The following CEP41 variants were observed in gnomAD, a reference collection of about 807,000 sequenced individuals.
CEP41 encodes centrosomal protein 41, also known as centrosomal protein of 41 kDa.
A neutral mutation model predicts 44.3 loss-of-function variants in CEP41; 32 were observed. The observed-to-expected ratio is 0.72, with a 90% CI of 0.54 to 0.97. The LOEUF (loss-of-function observed/expected upper bound fraction) is 0.97. Ranked by LOEUF, CEP41 falls within the 50% of genes least tolerant of loss-of-function variation. CEP41 has a pLI of 0.00. For synonymous variants in CEP41, 151 were observed against 168.5 expected (o/e 0.90, Z 0.80); for missense variants, 432 against 455.2 (o/e 0.95, Z 0.46).
chr7:130,425,981 G>T (rs1402247556), intron 2 of CEP41, among the ~76,000 whole-genome samples: 1 of 152,210 alleles, frequency 6.6e-6, no homozygotes, highest in African/African-American at 2.4e-5. Flanking sequence ...GTGATCGCAG[G>T]GGCTAAGGGG....
Position 130,400,749 on chromosome 7 carries a change from T to A in CEP41, c.715A>T (p.Met239Leu). The A allele has an allele frequency of 6.2e-7, 1 of 1,613,706 alleles. No homozygotes were observed. Among genetic ancestry groups the A allele is most frequent in the Non-Finnish European group, 8.5e-7 (1 of 1,179,788 alleles). ...AGGTTTTCAAATCCACGCTCGCACA[T>A]GGTGGTGGCCGCCTGACTGGCCAGC... ...ERLASQAATT[M>L]CERGFENLFM... The change falls in exon 9 of 11, where the codon ATG (methionine) becomes TTG (leucine). Residue 239 changes from methionine (M) to leucine (L), a missense_variant. Physicochemically the swap from Met to Leu is conservative, Grantham distance 15. Coordinates refer to ENST00000223208, the MANE Select transcript of CEP41 (RefSeq NM_018718.3).
In CEP41 at chr7:130,399,147, C is replaced by G. The variant is rs190456215; in HGVS notation, c.974-108G>C. 56 of 1,378,458 alleles carry G rather than the reference C, an allele frequency of 4.1e-5. No individual in the cohort carries two copies. In the Admixed American group the frequency reaches 7.9e-4, roughly 19 times the overall value. 85.4% of individuals were successfully genotyped at this position (1,378,458 alleles called of 1,614,324 possible). ...GTCCTAGCCTACAACCACTTTTAAG[C>G]TAATGAAGTCCTATGCAGTATCTAC... On this transcript the variant is annotated intron_variant, in intron 10 of 10. Coordinates refer to ENST00000223208, the MANE Select transcript of CEP41 (RefSeq NM_018718.3).
intron 5 of CEP41, among the ~76,000 whole-genome samples, chr7:130,407,112 G>A (rs1173315522): frequency 1.3e-5 from 2 of 151,932 alleles, no homozygotes; most frequent in African/African-American, 2.4e-5. Context: ...CCTCAATGAA[G>A]AGAGTGACAC....
intron 1 of CEP41, 57 bp downstream of exon 1, chr7:130,440,877 G>C: frequency 6.4e-7 from 1 of 1,572,660 alleles, no homozygotes; most frequent in Admixed American, 1.7e-5. Context: ...CTGCCCACAT[G>C]AGCCTTTTCC....
At chr7:130,434,739 T>C (rs1797914035) in intron 1 of CEP41, among the ~76,000 whole-genome samples, 1 of 152,194 alleles carries the variant, frequency 6.6e-6, no homozygotes, top group African/African-American at 2.4e-5. Context: ...GCTCACAAAA[T>C]AATGTCTGTT....
At position 130,404,615 on chromosome 7, in the gene CEP41, T is replaced by G; in HGVS notation, c.371A>C (p.Gln124Pro). 6.2e-7 allele frequency: 1 copy of G among 1,613,778 alleles called. No individual in the cohort carries two copies. Among genetic ancestry groups the G allele is most frequent in the Non-Finnish European group, 8.5e-7 (1 of 1,179,652 alleles). ...CCCTGCTCCTGCGTTGTTTATGAAC[T>G]GCTCAGGGCTCGGCGACTGCTCACC... ...NPGEQSPSPE[Q>P]FINNAGAGDS... The change falls in exon 6 of 11, where the codon CAG becomes CCG. Residue 124 changes from glutamine (Q) to proline (P), a missense_variant. By Grantham distance (76) the Gln-to-Pro change is moderately conservative (BLOSUM62 -1). Transcript: ENST00000223208.
Position 130,404,671 on chromosome 7 carries a change from G to A in CEP41, c.315C>T (p.Thr105=). The A allele has an allele frequency of 6.2e-7, 1 of 1,612,528 alleles. No individual in the cohort carries two copies. Residue 105 remains threonine (T), a synonymous_variant, in exon 6 of 11, where the codon ACC becomes ACT. Coordinates refer to ENST00000223208, the MANE Select transcript of CEP41 (RefSeq NM_018718.3). ...TTCCTTTCCCATTGGTCCTGGCAGT[G>A]GTTTCAGCATCAGGGTCTGAAGCTG... ...DSAASDPDAE[T]TARTNGKGNP...
intron 5 of CEP41, among the ~76,000 whole-genome samples, chr7:130,409,669 A>AT (rs760660087): frequency 1.8e-4 from 27 of 152,326 alleles, no homozygotes; most frequent in Non-Finnish European, 2.8e-4. Flanking sequence ...TTCCTCTTCA[A>AT]TAAACAGCCA....
At chr7:130,402,894 T>C (rs2117566214) in intron 6 of CEP41, 95 bp from the exon 7 acceptor site, 1 of 1,303,650 alleles carries the variant, frequency 7.7e-7, no homozygotes, top group Non-Finnish European at 1.1e-6. Context: ...GAGTGCTCAA[T>C]GTCTTTTCAA....
At chr7:130,407,971 T>G (rs1449919626) in intron 5 of CEP41, among the ~76,000 whole-genome samples, 16 of 152,134 alleles carry the variant, frequency 1.1e-4, no homozygotes. Context: ...CTCTTTAATA[T>G]AATGTGAAAA....
At chr7:130,436,005 T>C (rs532690515) in intron 1 of CEP41, among the ~76,000 whole-genome samples, 4 of 152,108 alleles carry the variant, frequency 2.6e-5, no homozygotes, top group Non-Finnish European at 4.4e-5. Context: ...ATACAAAAAA[T>C]TGGCCGGGCA....
At chr7:130,431,141 C>T (rs1584904699) in intron 1 of CEP41, among the ~76,000 whole-genome samples, 1 of 152,094 alleles carries the variant, frequency 6.6e-6, no homozygotes, top group Non-Finnish European at 1.5e-5. Flanking sequence ...TATTTGTGCT[C>T]CACTGCAAGC....
At chr7:130,441,287 A>AG, upstream of CEP41, 1 of 303,076 alleles carries the variant, frequency 3.3e-6, no homozygotes, top group East Asian at 8.2e-5. Flanking sequence ...GCCTGCGCAA[A>AG]GCCGGGGGCG....
In CEP41 at chr7:130,440,849, G is replaced by A. The variant is rs1584916226; in HGVS notation, c.33+85C>T. On this transcript the variant is annotated intron_variant, in intron 1 of 10. Coordinates refer to ENST00000223208, the MANE Select transcript of CEP41 (RefSeq NM_018718.3). ...CCTTCCCGCCTTCCGGGCGGCGGAA[G>A]TCGCTGGCTGCTCTTCCCTGCCCAC... is the stretch of plus-strand genomic sequence containing the variant. The A allele has an allele frequency of 4.2e-5, 58 of 1,376,830 alleles. 1 individual carries two copies. In the East Asian group the frequency reaches 1.8e-3, roughly 44 times the overall value. The allele number at this position is 1,376,830 out of a possible 1,614,324, so 85.3% of individuals were successfully genotyped here. A position where few individuals can be genotyped will look rare whatever the true frequency, so the allele number is the denominator to read the frequency against.
chr7:130,412,990 G>A (rs1416184024), intron 3 of CEP41, among the ~76,000 whole-genome samples: 1 of 152,114 alleles, frequency 6.6e-6, no homozygotes. Context: ...TGTTTTTGTT[G>A]TTTACTACCA....
At chr7:130,437,758 C>T (rs1488514880) in intron 1 of CEP41, among the ~76,000 whole-genome samples, 6 of 70,900 alleles carry the variant, frequency 8.5e-5, no homozygotes, top group African/African-American at 3.6e-4. Flanking sequence ...CAAAGCAAGA[C>T]TGTCTCAAAA....
Position 130,397,384 on chromosome 7 carries a change from AAC to A in CEP41, c.*1505_*1506del, listed in dbSNP as rs1554415134. The A allele has an allele frequency of 6.6e-6, 3 of 454,296 alleles. No homozygotes were observed. The highest frequency in any genetic ancestry group is 6.0e-5 in the African/African-American group (3 of 50,096). 28.1% of individuals were successfully genotyped at this position (454,296 alleles called of 1,614,324 possible). A position where few individuals can be genotyped will look rare whatever the true frequency, so the allele number is the denominator to read the frequency against. On this transcript the variant is annotated 3_prime_UTR_variant, in exon 11 of 11. Coordinates refer to ENST00000223208, the MANE Select transcript of CEP41 (RefSeq NM_018718.3). ...TTTGGAAATCAAGTAGAGAAGAATA[AAC>A]ACACTCTAAAACAGAACTGGGCTGA...
Position 130,395,686 on chromosome 7 carries a change from T to G in CEP41, c.*3205A>C, listed in dbSNP as rs1554414191. ...TTTCACTTACATTCCACAAGGGAAT[T>G]AGAGAAAACACGATTTTTTGTTTTG... On this transcript the variant is annotated 3_prime_UTR_variant, in exon 11 of 11. Transcript: ENST00000223208. 2 of 453,820 alleles carry G rather than the reference T, an allele frequency of 4.4e-6. No individual in the cohort carries two copies. The highest frequency in any genetic ancestry group is 1.6e-5 in the South Asian group (1 of 64,388). The allele number at this position is 453,820 out of a possible 1,614,324, so 28.1% of individuals were successfully genotyped here.
chr7:130,437,935 T>G (rs1039931737), intron 1 of CEP41, among the ~76,000 whole-genome samples: 1 of 152,206 alleles, frequency 6.6e-6, no homozygotes, highest in African/African-American at 2.4e-5. Flanking sequence ...CTATTTCTTA[T>G]GAATTCTTTC....
Sources: gnomAD v4.1 joint callset for allele counts (sites outside exome capture counted in the v4.1 genomes callset) on GRCh38, gnomAD v4.1.1 for gene constraint, MANE v1.5 for transcripts, NCBI Gene and HGNC (gene_info 2026-07-23, HGNC 2026-07-21) for gene names.